The following NTRK2 variants were observed in gnomAD, a reference collection of about 807,000 sequenced individuals.
NTRK2 encodes BDNF/NT-3 growth factors receptor.
In NTRK2, 13 loss-of-function variants were observed where a neutral mutation model predicts 94.5. The ratio of observed to expected loss-of-function variants is 0.14; its 90% CI spans 0.09 to 0.22. The LOEUF (loss-of-function observed/expected upper bound fraction) is 0.22, where lower values mean the gene tolerates loss of function less well. Ranked by LOEUF, NTRK2 falls within the 10% of genes least tolerant of loss-of-function variation. NTRK2 has a pLI of 1.00. For missense variants in NTRK2, 639 were observed against 1,071.2 expected (o/e 0.60, Z 5.63); for synonymous variants, 372 against 407.4 (o/e 0.91, Z 1.05).
chr9:84,877,017 T>C (rs1322348934), intron 14 of NTRK2: 25 of 1,062,408 alleles, frequency 2.4e-5, no homozygotes, highest in Non-Finnish European at 2.5e-5. Context: ...GCTATGCCAT[T>C]GATTTCCATA....
chr9:85,018,076 C>T (rs1399421361), intron 17 of NTRK2, among the ~76,000 whole-genome samples: 5 of 151,964 alleles, frequency 3.3e-5, no homozygotes, highest in Non-Finnish European at 5.9e-5. Context: ...AAGAGGTTCC[C>T]ATAAAATGCT....
intron 4 of NTRK2, 147 bp from the exon 5 acceptor site, chr9:84,707,697 A>G (rs2061191802): frequency 1.6e-6 from 1 of 638,720 alleles, no homozygotes; most frequent in Non-Finnish European, 2.7e-6. Flanking sequence ...TATCACTCTA[A>G]GTGAAAGAGA....
chr9:84,896,744 T>G (rs1376155502), intron 14 of NTRK2, among the ~76,000 whole-genome samples: 1 of 152,226 alleles, frequency 6.6e-6, no homozygotes, highest in Non-Finnish European at 1.5e-5. Context: ...ACTTTAATAG[T>G]GAGATATTCT....
chr9:84,723,505 A>G, intron 6 of NTRK2, 68 bp from the exon 7 acceptor site: 1 of 1,554,938 alleles, frequency 6.4e-7, no homozygotes, highest in South Asian at 1.1e-5. Flanking sequence ...TTTTCAATTT[A>G]TTGCTTTTAT....
chr9:84,883,214 C>A (rs1431381793), intron 14 of NTRK2, among the ~76,000 whole-genome samples: 2 of 152,176 alleles, frequency 1.3e-5, no homozygotes, highest in East Asian at 3.9e-4. Flanking sequence ...GATCACTGTT[C>A]CAGGTTAGAC....
intron 12 of NTRK2, among the ~76,000 whole-genome samples, chr9:84,763,631 C>T (rs778263974): frequency 1.8e-4 from 27 of 152,132 alleles, no homozygotes; most frequent in Non-Finnish European, 2.6e-4. Flanking sequence ...AAATTTCCAG[C>T]ATGTTTTTCC....
At position 84,703,789 on chromosome 9, in the gene NTRK2, A is replaced by T. The variant is rs925526423; in HGVS notation, c.359+1370A>T. On this transcript the variant is annotated intron_variant, in intron 4 of 18. Transcript: ENST00000277120. ...ATGTGATAAAACTCCAGGGAACTTT[A>T]TTAACACATTTCAATTAAATGCTTT... Among the ~76,000 whole-genome samples the T allele has an allele frequency of 2.6e-5, 4 of 152,360 alleles. No homozygotes were observed. In the South Asian group the frequency reaches 8.3e-4, roughly 32 times the overall value.
intron 2 of NTRK2, among the ~76,000 whole-genome samples, chr9:84,681,693 C>G (rs12685237): frequency 0.072 from 10,998 of 152,246 alleles, 449 homozygotes; most frequent in Middle Eastern, 0.14. Context: ...GTCTTGTCCC[C>G]TCTCTGCCCA....
intron 14 of NTRK2, chr9:84,873,743 T>G (rs2075960659): frequency 1.9e-6 from 2 of 1,056,302 alleles, no homozygotes; most frequent in South Asian, 9.1e-5. Flanking sequence ...TAAAATCATG[T>G]TTTTAGCATC....
rs536445167 is a variant in NTRK2, at chr9:84,675,324, C to CTTTTTTTTTTTTTTTT, written c.212+4376_212+4391dup. 5.9e-5 allele frequency among the ~76,000 whole-genome samples: 4 copies of CTTTTTTTTTTTTTTTT among 67,324 alleles called. 1 individual carries two copies. Among genetic ancestry groups the CTTTTTTTTTTTTTTTT allele is most frequent in the Non-Finnish European group, 1.0e-4 (4 of 38,392 alleles). 44.2% of individuals were successfully genotyped at this position (67,324 alleles called of 152,430 possible). ...CTCTTCTCCTTTCTTTCTTTCTTTC[C>CTTTTTTTTTTTTTTTT]TTTTTTTTTTTTTTTTTTTTTTTTT... is the stretch of plus-strand genomic sequence containing the variant. On this transcript the variant is annotated intron_variant, in intron 2 of 18. Coordinates refer to ENST00000277120, the MANE Select transcript of NTRK2 (RefSeq NM_006180.6).
At chr9:84,887,088 T>C (rs1402840188) in intron 14 of NTRK2, among the ~76,000 whole-genome samples, 1 of 152,222 alleles carries the variant, frequency 6.6e-6, no homozygotes. Context: ...TTGGACTCCG[T>C]TCCCAAGAAT....
At chr9:84,977,423 GATGC>G (rs977390119) in intron 17 of NTRK2, among the ~76,000 whole-genome samples, 4 of 152,160 alleles carry the variant, frequency 2.6e-5, no homozygotes, top group African/African-American at 7.2e-5. Context: ...TAGCATAAAG[GATGC>G]ATCCTTGCAG....
In NTRK2 at chr9:84,955,289, C is replaced by T. The variant is rs930501911; in HGVS notation, c.1944C>T (p.His648=). The change falls in exon 17 of 19, where the codon CAC becomes CAT. Residue 648 remains histidine, a synonymous_variant. Coordinates refer to ENST00000277120, the MANE Select transcript of NTRK2 (RefSeq NM_006180.6). ...TCTCCATGTCCTTCCCCAGGGCACACGGCCCTGATGCCGTGCTGATGGCTG... is the reference window on the plus strand; with the variant it reads ...TCTCCATGTCCTTCCCCAGGGCACATGGCCCTGATGCCGTGCTGATGGCTG... ...HGDLNKFLRA[H]GPDAVLMAEG... is the part of the protein sequence containing the mutation. 1.2e-5 allele frequency: 19 copies of T among 1,599,364 alleles called. No individual in the cohort carries two copies. Among genetic ancestry groups the T allele is most frequent in the Admixed American group, 3.4e-5 (2 of 58,252 alleles).
chr9:84,785,272 C>A (rs2133104362), intron 12 of NTRK2, among the ~76,000 whole-genome samples: 1 of 152,252 alleles, frequency 6.6e-6, no homozygotes. Context: ...AATTCAAAAC[C>A]AAAACTTGCG....
At chr9:84,944,215 T>A (rs62563926) in intron 15 of NTRK2, among the ~76,000 whole-genome samples, 22,148 of 119,934 alleles carry the variant, frequency 0.18, 2,178 homozygotes, top group Non-Finnish European at 0.21. Flanking sequence ...TCTCTCTCTC[T>A]CACACACACA....
intron 17 of NTRK2, among the ~76,000 whole-genome samples, chr9:84,967,815 G>T (rs1295581625): frequency 1.3e-5 from 2 of 152,246 alleles, no homozygotes; most frequent in Non-Finnish European, 2.9e-5. Context: ...AGAGATTGAT[G>T]CCCGGGGTTA....
intron 11 of NTRK2, among the ~76,000 whole-genome samples, chr9:84,749,310 A>G (rs910980741): frequency 6.6e-5 from 10 of 152,008 alleles, no homozygotes; most frequent in Admixed American, 6.6e-4. Context: ...CAGAGAAGAG[A>G]ATGATCATTA....
chr9:84,811,241 C>A (rs1427109289), intron 12 of NTRK2: 3 of 1,063,488 alleles, frequency 2.8e-6, no homozygotes, highest in African/African-American at 3.3e-5. Flanking sequence ...GAGAGTCAAA[C>A]AATGTTAAGG....
intron 12 of NTRK2, among the ~76,000 whole-genome samples, chr9:84,825,502 G>A (rs1033940102): frequency 5.3e-5 from 8 of 152,040 alleles, no homozygotes; most frequent in African/African-American, 1.9e-4. Flanking sequence ...TTATTGATTG[G>A]GTGACCTTGA....
Sources: gnomAD v4.1 joint callset for allele counts (sites outside exome capture counted in the v4.1 genomes callset) on GRCh38, gnomAD v4.1.1 for gene constraint, MANE v1.5 for transcripts, NCBI Gene and HGNC (gene_info 2026-07-23, HGNC 2026-07-21) for gene names.